Variants in LARGE1 observed in about 807,000 individuals in gnomAD.
LARGE1 encodes LARGE xylosyl- and glucuronyltransferase 1.
LARGE1 carries 43 observed loss-of-function variants against 87.6 expected under a neutral mutation model. The observed-to-expected ratio is 0.49, with a 90% CI of 0.38 to 0.63. The LOEUF is 0.63. Ranked by LOEUF, LARGE1 falls within the 30% of genes least tolerant of loss-of-function variation. The probability of loss-of-function intolerance (pLI) is 0.00; values close to 1 mark genes in which losing one functional copy is unlikely to be tolerated. For synonymous variants in LARGE1, 434 were observed against 394.6 expected, an observed-to-expected ratio of 1.10 and a Z score of -1.18; for missense variants, 802 against 1,000.2, an observed-to-expected ratio of 0.80 and a Z score of 2.67.
chr22:33,902,722 T>C (rs1005586224), intron 1 of LARGE1, among the ~76,000 whole-genome samples: 1 of 152,196 alleles, frequency 6.6e-6, no homozygotes, highest in Admixed American at 6.5e-5. Context: ...ATTCACAGCA[T>C]TAAAACAACA....
intron 1 of LARGE1, among the ~76,000 whole-genome samples, chr22:33,796,724 G>A (rs2085996044): frequency 1.3e-5 from 2 of 151,290 alleles, no homozygotes; most frequent in Non-Finnish European, 2.9e-5. Flanking sequence ...GGTGGAGGAG[G>A]AGGGGAGATT....
At chr22:33,198,762 A>G (rs1165779569) in intron 11 of LARGE1, among the ~76,000 whole-genome samples, 1 of 152,108 alleles carries the variant, frequency 6.6e-6, no homozygotes, top group Non-Finnish European at 1.5e-5. Context: ...ATGGACACTT[A>G]GGTTAATTCC....
Position 33,290,899 on chromosome 22 carries a change from T to C in LARGE1, c.1731-7551A>G, listed in dbSNP as rs533009173. On this transcript the variant is annotated intron_variant, in intron 12 of 14. Transcript: ENST00000397394. ...ACTAAAAATACAAAAATTAGCTGGG[T>C]GTGGTGGTGCGTGTCTATAATCCCA... Among the ~76,000 whole-genome samples the C allele has an allele frequency of 1.0e-3, 157 of 151,892 alleles. 1 individual carries two copies. The highest frequency in any genetic ancestry group is 6.9e-3 in the South Asian group (33 of 4,812).
chr22:33,276,938 T>G (rs1391007983), intron 14 of LARGE1, 122 bp downstream of exon 14: 1 of 931,320 alleles, frequency 1.1e-6, no homozygotes. Flanking sequence ...CTACCACTGG[T>G]CCTCAAGCAT....
At chr22:33,612,529 C>T (rs903622594) in intron 4 of LARGE1, among the ~76,000 whole-genome samples, 2 of 152,094 alleles carry the variant, frequency 1.3e-5, no homozygotes, top group African/African-American at 2.4e-5. Flanking sequence ...CCTCTATATA[C>T]CAAGGGACAA....
At chr22:33,528,246 A>C (rs1602266790) in intron 6 of LARGE1, among the ~76,000 whole-genome samples, 2 of 152,126 alleles carry the variant, frequency 1.3e-5, no homozygotes, top group South Asian at 4.2e-4. Flanking sequence ...TTTATTTCTC[A>C]TAAAGGGTCG....
At chr22:33,651,217 T>TA (rs1242556127) in intron 2 of LARGE1, among the ~76,000 whole-genome samples, 389 of 21,910 alleles carry the variant, frequency 0.018, 6 homozygotes, top group African/African-American at 0.12. Context: ...CGGTCTCTAC[T>TA]AAAAATACAA....
At chr22:33,376,300 G>A (rs2064990608) in intron 9 of LARGE1, among the ~76,000 whole-genome samples, 1 of 152,152 alleles carries the variant, frequency 6.6e-6, no homozygotes, top group Non-Finnish European at 1.5e-5. Flanking sequence ...TGCCTATAGA[G>A]CAAATTGCTA....
chr22:33,347,696 C>G (rs1046769477), intron 9 of LARGE1, among the ~76,000 whole-genome samples: 1 of 152,128 alleles, frequency 6.6e-6, no homozygotes, highest in Non-Finnish European at 1.5e-5. Context: ...AAGCCAGACC[C>G]AGCTCCAGCT....
At chr22:33,175,396 T>G (rs1181536275) in intron 11 of LARGE1, among the ~76,000 whole-genome samples, 1 of 152,116 alleles carries the variant, frequency 6.6e-6, no homozygotes, top group Non-Finnish European at 1.5e-5. Flanking sequence ...GATTATATAC[T>G]TAGAAAACCC....
intron 3 of LARGE1, among the ~76,000 whole-genome samples, chr22:33,636,887 G>C (rs1023027509): frequency 2.6e-5 from 4 of 152,140 alleles, no homozygotes; most frequent in East Asian, 1.9e-4. Flanking sequence ...AAAGGGATTA[G>C]AGCCTGGTAC....
intron 10 of LARGE1, among the ~76,000 whole-genome samples, chr22:33,323,762 A>T (rs76013727): frequency 6.6e-6 from 1 of 152,188 alleles, no homozygotes; most frequent in African/African-American, 2.4e-5. Flanking sequence ...ATTCCCTGCA[A>T]TTTTCTCAAA....
chr22:33,233,572 C>T (rs1231677896), intron 11 of LARGE1, among the ~76,000 whole-genome samples: 2 of 152,010 alleles, frequency 1.3e-5, no homozygotes, highest in African/African-American at 2.4e-5. Flanking sequence ...ATCAAGTTTC[C>T]TGGGATAGAG....
rs553736776 is a variant in LARGE1 at position 33,507,785 on chromosome 22, C to A, written c.787+57063G>T. Among the ~76,000 whole-genome samples the A allele has an allele frequency of 3.3e-5, 5 of 152,306 alleles. No individual in the cohort carries two copies. In the South Asian group the frequency reaches 1.0e-3, roughly 32 times the overall value. On this transcript the variant is annotated intron_variant, in intron 6 of 14. Coordinates refer to ENST00000397394, the MANE Select transcript of LARGE1 (RefSeq NM_133642.5). ...GGTGGAAGACACACATTCATGACCA[C>A]CCTCTTCTCATCTATGGAAGTTTAG...
At chr22:33,914,753 G>C (rs950717032) in intron 1 of LARGE1, among the ~76,000 whole-genome samples, 8 of 152,124 alleles carry the variant, frequency 5.3e-5, no homozygotes, top group Non-Finnish European at 1.0e-4. Context: ...GCTCAGTGTA[G>C]AGGCTAAGCT....
rs562117443 is a variant in LARGE1, at chr22:33,614,259, G to A, written c.492-9701C>T. On this transcript the variant is annotated intron_variant, in intron 4 of 14. Transcript: ENST00000397394. ...ATATGCAGCACTTACAACAAGGACT[G>A]GCAGGAAGTGAGGACTTAGTAAATG... Among the ~76,000 whole-genome samples the A allele has an allele frequency of 7.9e-5, 12 of 152,264 alleles. 1 individual carries two copies. In the South Asian group the frequency reaches 2.5e-3, roughly 32 times the overall value.
chr22:33,700,756 G>A (rs2082383067), intron 2 of LARGE1, among the ~76,000 whole-genome samples: 1 of 152,166 alleles, frequency 6.6e-6, no homozygotes, highest in African/African-American at 2.4e-5. Flanking sequence ...ATTCTGAGTA[G>A]AGGGAAAAAC....
chr22:33,437,158 A>C (rs979571208), intron 6 of LARGE1, among the ~76,000 whole-genome samples: 28 of 152,338 alleles, frequency 1.8e-4, no homozygotes, highest in African/African-American at 6.7e-4. Context: ...AGAATTACTG[A>C]TTGGAGTTTG....
rs190196156 is a variant in LARGE1, at chr22:33,400,831, C to T, written c.893-16527G>A. Among the ~76,000 whole-genome samples, 325 of 152,342 alleles carry T rather than the reference C, an allele frequency of 2.1e-3. 3 individuals carry two copies. The highest frequency in any genetic ancestry group is 2.6e-4 in the Non-Finnish European group (18 of 68,036). Reference sequence around the variant, plus strand: ...CTGAAAACACATTCAGGGAGGTGTGCAGAGGTCACAGGTGTCTTCTCTACT... The same window carrying T: ...CTGAAAACACATTCAGGGAGGTGTGTAGAGGTCACAGGTGTCTTCTCTACT... On this transcript the variant is annotated intron_variant, in intron 7 of 14. Transcript: ENST00000397394.
Sources: allele counts gnomAD v4.1 joint callset (sites outside exome capture counted in the v4.1 genomes callset), GRCh38; gene constraint gnomAD v4.1.1; transcripts MANE v1.5; gene names NCBI Gene and HGNC (gene_info 2026-07-23, HGNC 2026-07-21).